The following TRAF3IP1 variants were observed in gnomAD, a reference collection of about 807,000 sequenced individuals.
The protein encoded by TRAF3IP1 is intraflagellar transport 54.
TRAF3IP1 carries 53 observed loss-of-function variants against 89.9 expected under a neutral mutation model. That is an observed-to-expected ratio of 0.59 (90% confidence interval 0.47 to 0.74). The LOEUF (loss-of-function observed/expected upper bound fraction) is 0.74. Among genes scored for constraint, TRAF3IP1 ranks in the 30% least tolerant of loss-of-function variants. TRAF3IP1 has a pLI of 0.00. For missense variants in TRAF3IP1, 806 were observed against 866.1 expected (o/e 0.93, Z 0.87); for synonymous variants, 311 against 322.1 (o/e 0.97, Z 0.37).
At chr2:238,341,548 A>T (rs13030012) in intron 8 of TRAF3IP1, among the ~76,000 whole-genome samples, 41,510 of 126,178 alleles carry the variant, frequency 0.33, 5,947 homozygotes, top group African/African-American at 0.43. Context: ...TTTTTTTTTA[A>T]AAAAAAAACA....
At chr2:238,347,785 G>A (rs367974281) in intron 10 of TRAF3IP1, among the ~76,000 whole-genome samples, 2 of 151,866 alleles carry the variant, frequency 1.3e-5, no homozygotes, top group African/African-American at 2.4e-5. Context: ...GCACCACCAC[G>A]CCCGGCTAAT....
At chr2:238,354,681 C>T (rs890617555) in intron 14 of TRAF3IP1, among the ~76,000 whole-genome samples, 1 of 151,940 alleles carries the variant, frequency 6.6e-6, no homozygotes, top group Non-Finnish European at 1.5e-5. Context: ...CATGGAGTCT[C>T]GCCCTGTCGC....
Position 238,395,824 on chromosome 2 carries a change from A to G in TRAF3IP1, c.1690-1635A>G, listed in dbSNP as rs1373808676. Among the ~76,000 whole-genome samples the G allele has an allele frequency of 2.0e-5, 3 of 151,966 alleles. 1 individual carries two copies. The South Asian group carries it at 6.3e-4, about 32-fold the overall frequency. On this transcript the variant is annotated intron_variant, in intron 15 of 16. Coordinates refer to ENST00000373327, the MANE Select transcript of TRAF3IP1 (RefSeq NM_015650.4). ...CAGAGATATGCAAATCAAAACCACA[A>G]TGAGATACCATCTCACACCAGTTAG...
Position 238,329,073 on chromosome 2 carries a change from G to C in TRAF3IP1, c.646G>C (p.Glu216Gln). 6.5e-7 allele frequency: 1 copy of C among 1,546,906 alleles called. No individual in the cohort carries two copies. Among genetic ancestry groups the C allele is most frequent in the East Asian group, 2.5e-5 (1 of 40,750 alleles). ...TGGCGGAAACAGACACAGAGAAGGG[G>C]AGAGAGAGAGAGCCAAAGCCCGGGC... ...ENGGNRHREGERERAKARARP... is the reference protein window; with the variant it reads ...ENGGNRHREGQRERAKARARP... The change falls in exon 5 of 17, where the codon GAG (glutamate) becomes CAG (glutamine). Residue 216 changes from glutamate to glutamine, a missense_variant. Glu to Gln is a conservative substitution (Grantham distance 29, BLOSUM62 2). Around this residue, in one of 3 missense-constraint regions of TRAF3IP1, gnomAD observed 732 missense variants for 780.5 expected, o/e 0.94. Transcript: ENST00000373327.
intron 12 of TRAF3IP1, among the ~76,000 whole-genome samples, chr2:238,352,533 G>A (rs1444453719): frequency 2.0e-5 from 3 of 152,126 alleles, no homozygotes; most frequent in Admixed American, 2.0e-4. Flanking sequence ...AGGGCATGAC[G>A]AGGCTGTGGG....
intron 12 of TRAF3IP1, among the ~76,000 whole-genome samples, chr2:238,350,520 T>A (rs1313417487): frequency 6.6e-6 from 1 of 151,930 alleles, no homozygotes; most frequent in Non-Finnish European, 1.5e-5. Context: ...AGTGGGCTAG[T>A]GAAGAGACTG....
chr2:238,355,987 C>A lies in TRAF3IP1; in HGVS notation c.1613-17C>A. ...AGAGAATAAACTTTTAACATAAAAT[C>A]ACTGATTTTTCAACAGGTGGACTTG... On this transcript the variant is annotated splice_polypyrimidine_tract_variant and intron_variant, in intron 14 of 16. Transcript: ENST00000373327. 6.2e-7 allele frequency: 1 copy of A among 1,602,002 alleles called. No individual in the cohort carries two copies. Among genetic ancestry groups the A allele is most frequent in the Non-Finnish European group, 8.5e-7 (1 of 1,169,850 alleles).
At chr2:238,334,200 C>A (rs1387211974) in intron 7 of TRAF3IP1, 165 bp downstream of exon 7, 6 of 635,486 alleles carry the variant, frequency 9.4e-6, no homozygotes, top group Non-Finnish European at 1.7e-5. Flanking sequence ...GTGGCTGTTA[C>A]ATACACATGC....
In TRAF3IP1 at chr2:238,399,902, GT is replaced by G. The variant is rs1206338908; in HGVS notation, c.*988del. 5.9e-5 allele frequency: 9 copies of G among 152,254 alleles called. No individual in the cohort carries two copies. The highest frequency in any genetic ancestry group is 2.2e-4 in the African/African-American group (9 of 41,546). The allele number at this position is 152,254 out of a possible 1,614,324, so 9.4% of individuals were successfully genotyped here. A position where few individuals can be genotyped will look rare whatever the true frequency, so the allele number is the denominator to read the frequency against. ...AAGTTTTTTAAAAACATGGTTTATA[GT>G]TTTTCACTTACATATACTATTGTAA... On this transcript the variant is annotated 3_prime_UTR_variant, in exon 17 of 17. Transcript: ENST00000373327.
intron 15 of TRAF3IP1, among the ~76,000 whole-genome samples, chr2:238,357,932 T>C (rs577048734): frequency 9.9e-5 from 15 of 152,260 alleles, no homozygotes; most frequent in African/African-American, 3.6e-4. Flanking sequence ...AGGAAAAGTG[T>C]CCTTTTTTGG....
chr2:238,326,005 A>C (rs777329884), intron 3 of TRAF3IP1, 35 bp downstream of exon 3: 1 of 1,585,920 alleles, frequency 6.3e-7, no homozygotes, highest in Non-Finnish European at 8.6e-7. Context: ...GAACTTACTT[A>C]GTACTTGAGT....
intron 3 of TRAF3IP1, among the ~76,000 whole-genome samples, chr2:238,326,220 G>T (rs1292425060): frequency 6.6e-6 from 1 of 152,250 alleles, no homozygotes; most frequent in South Asian, 2.1e-4. Flanking sequence ...AGAAAGTCGG[G>T]AACCCTGCAG....
intron 15 of TRAF3IP1, among the ~76,000 whole-genome samples, chr2:238,380,697 A>G (rs1700510186): frequency 6.6e-6 from 1 of 152,192 alleles, no homozygotes; most frequent in Non-Finnish European, 1.5e-5. Context: ...CCCCAAGGTG[A>G]GATGACCCCA....
Position 238,390,060 on chromosome 2 carries a change from C to T in TRAF3IP1, c.1690-7399C>T, listed in dbSNP as rs549951199. ...GCTGAGCTGCCTTGCCAGAGGCCTTCCTGCCAGAAGGCAGCTGAGTAAACA... is the reference window on the plus strand; with the variant it reads ...GCTGAGCTGCCTTGCCAGAGGCCTTTCTGCCAGAAGGCAGCTGAGTAAACA... On this transcript the variant is annotated intron_variant, in intron 15 of 16. Transcript: ENST00000373327. Among the ~76,000 whole-genome samples the T allele has an allele frequency of 3.9e-5, 6 of 152,278 alleles. No homozygotes were observed. In the South Asian group the frequency reaches 1.2e-3, roughly 32 times the overall value.
At chr2:238,395,683 C>CA (rs932561635) in intron 15 of TRAF3IP1, among the ~76,000 whole-genome samples, 21 of 150,508 alleles carry the variant, frequency 1.4e-4, no homozygotes, top group Admixed American at 2.7e-4. Context: ...AACAAATTTA[C>CA]AAAAAAAAAA....
chr2:238,334,992 G>A (rs917247881), intron 7 of TRAF3IP1, among the ~76,000 whole-genome samples: 1 of 152,320 alleles, frequency 6.6e-6, no homozygotes, highest in Middle Eastern at 3.4e-3. Flanking sequence ...TTGTCATCGC[G>A]TGTGAGTGTT....
intron 7 of TRAF3IP1, among the ~76,000 whole-genome samples, chr2:238,336,223 T>C (rs1698384864): frequency 6.6e-6 from 1 of 152,226 alleles, no homozygotes; most frequent in African/African-American, 2.4e-5. Flanking sequence ...GAGCTTGTGC[T>C]CTAGGGTTCT....
At position 238,320,766 on chromosome 2, in the gene TRAF3IP1, T is replaced by C; in HGVS notation, c.104T>C (p.Leu35Pro). Residue 35 changes from leucine (L) to proline (P), a missense_variant, in exon 1 of 17, where the codon CTG becomes CCG. By Grantham distance (98) the Leu-to-Pro change is moderately conservative. Around this residue, in one of 3 missense-constraint regions of TRAF3IP1, gnomAD observed 732 missense variants for 780.5 expected, o/e 0.94. Transcript: ENST00000373327. Reference protein sequence around the residue: ...KLLSKPPFRYLHDIITEVIRM... With the variant: ...KLLSKPPFRYPHDIITEVIRM... ...CTGAGCAAGCCCCCGTTCCGCTACC[T>C]GCACGACATCATCACGGAGGTGGGC... 1.4e-6 allele frequency: 2 copies of C among 1,427,076 alleles called. No homozygotes were observed. The highest frequency in any genetic ancestry group is 1.9e-6 in the Non-Finnish European group (2 of 1,076,672). The allele number at this position is 1,427,076 out of a possible 1,614,324, so 88.4% of individuals were successfully genotyped here.
chr2:238,383,874 G>A (rs1700647953), intron 15 of TRAF3IP1, among the ~76,000 whole-genome samples: 1 of 152,120 alleles, frequency 6.6e-6, no homozygotes, highest in South Asian at 2.1e-4. Flanking sequence ...AATTTAGTCC[G>A]TTTACACTTA....
Sources: allele counts gnomAD v4.1 joint callset (sites outside exome capture counted in the v4.1 genomes callset), GRCh38; gene constraint gnomAD v4.1.1; regional missense constraint gnomAD v4.1.1; transcripts MANE v1.5; gene names NCBI Gene and HGNC (gene_info 2026-07-23, HGNC 2026-07-21).